The following CSMD1 variants were observed in gnomAD, a reference collection of about 807,000 sequenced individuals.
The protein encoded by CSMD1 is CUB and Sushi multiple domains 1.
In CSMD1, 213 loss-of-function variants were observed where a neutral mutation model predicts 417.5. The ratio of observed to expected loss-of-function variants is 0.51; its 90% CI spans 0.46 to 0.57. The LOEUF is 0.57. Ranked by LOEUF, CSMD1 falls within the 20% of genes least tolerant of loss-of-function variation. The pLI is 0.00. For missense variants in CSMD1, 6,923 were observed against 4,529.7 expected, an observed-to-expected ratio of 1.53 and a Z score of -15.17; for synonymous variants, 2,862 against 1,736.8, an observed-to-expected ratio of 1.65 and a Z score of -16.11.
At chr8:4,010,238 C>T (rs2740955) in intron 4 of CSMD1, among the ~76,000 whole-genome samples, 92,100 of 151,832 alleles carry the variant, frequency 0.61, 28,208 homozygotes, top group East Asian at 0.68. Context: ...TGGCTACTTC[C>T]AGGTGACTCA....
chr8:3,993,785 G>A (rs535441821), intron 5 of CSMD1, among the ~76,000 whole-genome samples: 2 of 152,310 alleles, frequency 1.3e-5, no homozygotes, highest in Admixed American at 6.5e-5. Context: ...CAGGGAGGGA[G>A]ATCACACAAC....
intron 5 of CSMD1, among the ~76,000 whole-genome samples, chr8:3,871,155 A>G (rs1366935036): frequency 6.6e-6 from 1 of 152,120 alleles, no homozygotes; most frequent in East Asian, 1.9e-4. Flanking sequence ...CTCACTCATC[A>G]TACTTTTATT....
chr8:4,613,135 G>C lies in CSMD1; in HGVS notation c.302+24207C>G, dbSNP rs186555065. 2.0e-5 allele frequency among the ~76,000 whole-genome samples: 3 copies of C among 152,188 alleles called. No homozygotes were observed. The East Asian group carries it at 5.8e-4, about 29-fold the overall frequency. On this transcript the variant is annotated intron_variant, in intron 2 of 69. Transcript: ENST00000635120. ...CACACAGGTACACAATTCTAAACAC[G>C]AGCTGATTGCTCTTCCCATAAGAGA...
At chr8:4,664,996 G>C (rs1050073421) in intron 1 of CSMD1, among the ~76,000 whole-genome samples, 9 of 152,238 alleles carry the variant, frequency 5.9e-5, no homozygotes, top group African/African-American at 1.7e-4. Context: ...ATCTCATCGT[G>C]TTCTTCATTT....
At chr8:4,508,480 T>A (rs1474250642) in intron 2 of CSMD1, among the ~76,000 whole-genome samples, 3 of 152,174 alleles carry the variant, frequency 2.0e-5, no homozygotes, top group Non-Finnish European at 2.9e-5. Context: ...AGAATTTAAT[T>A]TAGTAGTATT....
chr8:3,405,579 G>C (rs1812296612), intron 15 of CSMD1, among the ~76,000 whole-genome samples: 1 of 150,444 alleles, frequency 6.6e-6, no homozygotes, highest in South Asian at 2.1e-4. Flanking sequence ...GGTACTTGCA[G>C]ATGAATTTAG....
intron 22 of CSMD1, among the ~76,000 whole-genome samples, chr8:3,346,712 T>C (rs1808024349): frequency 6.6e-6 from 1 of 152,194 alleles, no homozygotes; most frequent in Admixed American, 6.5e-5. Flanking sequence ...AGCCATTCTG[T>C]AAAGGGAGGA....
chr8:4,832,313 T>C (rs989143957), intron 1 of CSMD1, among the ~76,000 whole-genome samples: 11 of 152,082 alleles, frequency 7.2e-5, no homozygotes, highest in Admixed American at 3.3e-4. Context: ...CATGAGGAGA[T>C]GGACAGATTC....
chr8:3,875,626 T>G (rs61590681), intron 5 of CSMD1, among the ~76,000 whole-genome samples: 1 of 152,000 alleles, frequency 6.6e-6, no homozygotes, highest in African/African-American at 2.4e-5. Flanking sequence ...GGACCAGAGT[T>G]TCCTCACAGC....
chr8:3,879,715 T>C (rs1294255942), intron 5 of CSMD1, among the ~76,000 whole-genome samples: 2 of 147,110 alleles, frequency 1.4e-5, no homozygotes, highest in African/African-American at 5.2e-5. Context: ...GGCTAACTCC[T>C]AACCTACATA....
At chr8:4,337,419 A>G (rs1800233503) in intron 3 of CSMD1, among the ~76,000 whole-genome samples, 1 of 152,088 alleles carries the variant, frequency 6.6e-6, no homozygotes, top group Non-Finnish European at 1.5e-5. Context: ...CTGCTTTTCT[A>G]TCTTAGCCTT....
chr8:4,486,973 G>C (rs1032993439), intron 2 of CSMD1, among the ~76,000 whole-genome samples: 2 of 152,150 alleles, frequency 1.3e-5, no homozygotes, highest in Non-Finnish European at 2.9e-5. Context: ...GAGATGCACA[G>C]CTGACGGCTA....
intron 26 of CSMD1, among the ~76,000 whole-genome samples, chr8:3,271,948 G>T (rs1185476695): frequency 2.0e-5 from 3 of 152,090 alleles, no homozygotes; most frequent in African/African-American, 4.8e-5. Context: ...GATCCCATTT[G>T]TCAATTTTGG....
At position 2,938,500 on chromosome 8, in the gene CSMD1, G is replaced by C. The variant is rs1174218777; in HGVS notation, c.*85C>G. The C allele has an allele frequency of 3.0e-6, 4 of 1,314,408 alleles. No individual in the cohort carries two copies. In the African/African-American group the frequency reaches 5.8e-5, roughly 19 times the overall value. The allele number at this position is 1,314,408 out of a possible 1,614,324, so 81.4% of individuals were successfully genotyped here. A position where few individuals can be genotyped will look rare whatever the true frequency, so the allele number is the denominator to read the frequency against. ...TCGCTGCAGTAAAGCCAGAGTGGAA[G>C]GGAGAGTGGTATATGGCACCAAAGG... On this transcript the variant is annotated 3_prime_UTR_variant, in exon 70 of 70. Coordinates refer to ENST00000635120, the MANE Select transcript of CSMD1 (RefSeq NM_033225.6).
intron 1 of CSMD1, among the ~76,000 whole-genome samples, chr8:4,859,974 C>G: frequency 6.6e-6 from 1 of 151,820 alleles, no homozygotes; most frequent in Non-Finnish European, 1.5e-5. Context: ...TGTTTATTGC[C>G]GCGTTATTCA....
At chr8:2,972,348 A>G (rs66654901) in intron 57 of CSMD1, among the ~76,000 whole-genome samples, 23,155 of 152,218 alleles carry the variant, frequency 0.15, 1,893 homozygotes, top group East Asian at 0.23. Flanking sequence ...ACATACAACA[A>G]TACATATTGA....
chr8:4,074,374 G>A (rs991725046), intron 3 of CSMD1, among the ~76,000 whole-genome samples: 2 of 152,164 alleles, frequency 1.3e-5, no homozygotes, highest in East Asian at 3.9e-4. Flanking sequence ...ATAAATGATA[G>A]CAGTATTTTC....
chr8:3,678,657 C>A lies in CSMD1; in HGVS notation c.1009+29757G>T, dbSNP rs898123862. Among the ~76,000 whole-genome samples, 21 of 152,206 alleles carry A rather than the reference C, an allele frequency of 1.4e-4. 1 individual carries two copies. On this transcript the variant is annotated intron_variant, in intron 7 of 69. Transcript: ENST00000635120. The stretch of plus-strand genomic sequence containing the variant: ...AACTTCCCCAACCTAGCAAGGCAGG[C>A]CAACATGCAAATTCAGGAAACACAG...
At chr8:4,778,466 T>C (rs1189552973) in intron 1 of CSMD1, among the ~76,000 whole-genome samples, 2 of 152,224 alleles carry the variant, frequency 1.3e-5, no homozygotes, top group Non-Finnish European at 2.9e-5. Flanking sequence ...TAATGTATTT[T>C]CTGCATGAGA....
Sources: gnomAD v4.1 joint callset for allele counts (sites outside exome capture counted in the v4.1 genomes callset) on GRCh38, gnomAD v4.1.1 for gene constraint, MANE v1.5 for transcripts, NCBI Gene and HGNC (gene_info 2026-07-23, HGNC 2026-07-21) for gene names.